The following GNAS variants were observed in gnomAD, a reference collection of about 807,000 sequenced individuals.
GNAS encodes protein ALEX.
GNAS carries 8 observed loss-of-function variants against 54.5 expected under a neutral mutation model. The ratio of observed to expected loss-of-function variants is 0.15; its 90% confidence interval spans 0.09 to 0.26. GNAS has a LOEUF of 0.26. Ranked by LOEUF, GNAS falls within the 10% of genes least tolerant of loss-of-function variation. GNAS has a pLI of 1.00. For synonymous variants in GNAS, 204 were observed against 191.4 expected, an observed-to-expected ratio of 1.07 and a Z score of -0.54; for missense variants, 170 against 529.8, an observed-to-expected ratio of 0.32 and a Z score of 6.67.
chr20:58,869,123 A>G (rs1028800580), intron 1 of GNAS, among the ~76,000 whole-genome samples: 3 of 152,194 alleles, frequency 2.0e-5, no homozygotes, highest in Non-Finnish European at 2.9e-5. Context: ...CAAGGCAGGA[A>G]AGCACACGAT....
chr20:58,853,407 G>T lies in GNAS; in HGVS notation c.43+12521G>T. On this transcript the variant is annotated intron_variant, in intron 1 of 12. Coordinates refer to the GNAS transcript ENST00000306090. This position sits in a 1 kb window ranked among gnomAD's most constrained non-coding sequence, Gnocchi z 4.4. The stretch of plus-strand genomic sequence containing the variant: ...CGGTGCTGGGCCTAGCCCAGCCGAA[G>T]AGATGGAGACCGAACCGCCTCACAA... The T allele has an allele frequency of 1.3e-6, 2 of 1,581,146 alleles. No homozygotes were observed. Among genetic ancestry groups the T allele is most frequent in the Non-Finnish European group, 8.6e-7 (1 of 1,164,224 alleles).
intron 1 of GNAS, chr20:58,848,757 C>T (rs1197659809): frequency 5.1e-6 from 2 of 395,682 alleles, no homozygotes; most frequent in East Asian, 7.2e-5. Flanking sequence ...CTTACTATAC[C>T]GGATTCCTCA....
rs1181382013 is a variant in GNAS at position 58,873,415 on chromosome 20, A to C, written c.44-22197A>C. ...AAATTAATTTTTCAAATGTTTGACT[A>C]TTGGCAGGTCTGAGGTTTACTCATC... On this transcript the variant is annotated intron_variant, in intron 1 of 12. Coordinates refer to the GNAS transcript ENST00000306090. The surrounding 1 kb of genome is among the most constrained non-coding windows in gnomAD (Gnocchi z 4.3). Among the ~76,000 whole-genome samples the C allele has an allele frequency of 6.6e-6, 1 of 152,214 alleles. No individual in the cohort carries two copies. Among genetic ancestry groups the C allele is most frequent in the African/African-American group, 2.4e-5 (1 of 41,464 alleles).
Position 58,910,625 on chromosome 20 carries a change from G to T in GNAS, c.1039-58G>T. 1.3e-6 allele frequency: 2 copies of T among 1,590,240 alleles called. No individual in the cohort carries two copies. The highest frequency in any genetic ancestry group is 1.1e-5 in the South Asian group (1 of 90,492). On this transcript the variant is annotated intron_variant, in intron 12 of 12. Transcript: ENST00000371085. The surrounding 1 kb of genome is among the most constrained non-coding windows in gnomAD (Gnocchi z 5.8). ...CGTCCCTGGTAGGTGTCCCCATCAG[G>T]GATAGGGTGGTTCCTGGCGAGGGTG...
intron 1 of GNAS, among the ~76,000 whole-genome samples, chr20:58,883,468 T>C (rs1056124954): frequency 4.6e-5 from 7 of 152,190 alleles, no homozygotes; most frequent in Non-Finnish European, 1.0e-4. Context: ...CTGAGGTCTG[T>C]AGCTCATAAA....
chr20:58,855,246 G>A (rs977798308), intron 1 of GNAS: 1 of 1,591,006 alleles, frequency 6.3e-7, no homozygotes, highest in Admixed American at 1.8e-5. Flanking sequence ...CCAGAAGCGC[G>A]CAGAGAAGAA....
chr20:58,899,617 T>A, intron 3 of GNAS: 1 of 586,840 alleles, frequency 1.7e-6, no homozygotes, highest in Non-Finnish European at 3.1e-6. Flanking sequence ...TATCAAATTA[T>A]TTTTTCTTTG....
intron 5 of GNAS, among the ~76,000 whole-genome samples, chr20:58,904,318 T>A (rs2146194181): frequency 6.6e-6 from 1 of 152,306 alleles, no homozygotes; most frequent in Non-Finnish European, 1.5e-5. Flanking sequence ...TTAAGAGTTT[T>A]CTAAAGTCCT....
chr20:58,855,661 C>T (rs1235014446), intron 1 of GNAS: 7 of 477,134 alleles, frequency 1.5e-5, no homozygotes, highest in Non-Finnish European at 3.0e-5. Flanking sequence ...CAGGAACTGC[C>T]GGGGAGGGGC....
At chr20:58,840,504 C>G (rs143549225), upstream of GNAS, 11 of 1,613,324 alleles carry the variant, frequency 6.8e-6, no homozygotes, top group Non-Finnish European at 9.3e-6. This position sits in a 1 kb window ranked among gnomAD's most constrained non-coding sequence, Gnocchi z 6.0. Context: ...GAGACCGCCC[C>G]CACCACTGAG....
chr20:58,845,429 T>C (rs1263918034), intron 1 of GNAS, among the ~76,000 whole-genome samples: 1 of 152,164 alleles, frequency 6.6e-6, no homozygotes, highest in Admixed American at 6.5e-5. Flanking sequence ...CCACTGTCTG[T>C]TTATGCACTG....
chr20:58,901,261 T>C (rs2090577068), intron 3 of GNAS, among the ~76,000 whole-genome samples: 1 of 152,196 alleles, frequency 6.6e-6, no homozygotes, highest in Admixed American at 6.5e-5. Flanking sequence ...CCTTTTAATT[T>C]ATAACATCTA....
intron 1 of GNAS, chr20:58,895,332 A>G (rs779779084): frequency 3.1e-5 from 14 of 448,614 alleles, no homozygotes; most frequent in Admixed American, 6.9e-5. Context: ...TTCCAACACC[A>G]CCCCACAATT....
At chr20:58,904,127 C>T (rs1487311356) in intron 5 of GNAS, among the ~76,000 whole-genome samples, 1 of 152,064 alleles carries the variant, frequency 6.6e-6, no homozygotes, top group Admixed American at 6.5e-5. Flanking sequence ...GAAAAAGGTC[C>T]TGAGCTATGG....
rs938107084 is a variant in GNAS, at chr20:58,841,644, G to C, written c.43+758G>C. 1.6e-5 allele frequency: 18 copies of C among 1,105,150 alleles called. No homozygotes were observed. The highest frequency in any genetic ancestry group is 1.8e-5 in the Non-Finnish European group (16 of 907,382). The allele number at this position is 1,105,150 out of a possible 1,614,324, so 68.5% of individuals were successfully genotyped here. ...CGCGCCGGAGCTGACCTCTCCCGGC[G>C]GCGGGCGGTTAGGGGAAAGTACCTG... On this transcript the variant is annotated intron_variant, in intron 1 of 12. Transcript: ENST00000306090. This position sits in a 1 kb window ranked among gnomAD's most constrained non-coding sequence, Gnocchi z 5.0.
At chr20:58,839,873 TCC>T (rs1040062014), upstream of GNAS, 6 of 597,078 alleles carry the variant, frequency 1.0e-5, no homozygotes, top group African/African-American at 1.1e-4. Context: ...TTTTTTCCCA[TCC>T]CTTCTTCTTG....
At chr20:58,867,513 A>G (rs1258340943) in intron 1 of GNAS, 1 of 152,308 alleles carries the variant, frequency 6.6e-6, no homozygotes, top group Non-Finnish European at 1.5e-5. Flanking sequence ...GTCTTCTACC[A>G]TAGGTCTGAT....
At chr20:58,855,048 C>T (rs1195270483) in intron 1 of GNAS, 1 of 1,613,016 alleles carries the variant, frequency 6.2e-7, no homozygotes, top group Non-Finnish European at 8.5e-7. Flanking sequence ...GTTTCAGCAT[C>T]GGCGAAATCG....
upstream of GNAS, chr20:58,839,862 CT>C: frequency 5.0e-6 from 3 of 597,010 alleles, no homozygotes; most frequent in East Asian, 5.5e-5. Flanking sequence ...GAACTTTCCC[CT>C]TTTTTCCCAT....
Sources: allele counts gnomAD v4.1 joint callset (sites outside exome capture counted in the v4.1 genomes callset), GRCh38; gene constraint gnomAD v4.1.1; non-coding constraint Gnocchi (gnomAD v3.1); transcripts MANE v1.5; gene names NCBI Gene and HGNC (gene_info 2026-07-23, HGNC 2026-07-21).